The following CCDC6 variants were observed in gnomAD, a reference collection of about 807,000 sequenced individuals.
CCDC6 encodes coiled-coil domain containing 6.
A neutral mutation model predicts 56.6 loss-of-function variants in CCDC6; 20 were observed. The observed-to-expected ratio is 0.35, with a 90% confidence interval of 0.25 to 0.51. The LOEUF (loss-of-function observed/expected upper bound fraction) is 0.51. Ranked by LOEUF, CCDC6 falls within the 20% of genes least tolerant of loss-of-function variation. The pLI, the probability that CCDC6 is intolerant of heterozygous loss-of-function variation, is 0.95. For synonymous variants in CCDC6, 241 were observed against 234.4 expected (o/e 1.03, Z -0.26); for missense variants, 367 against 601.1 (o/e 0.61, Z 4.07).
intron 3 of CCDC6, among the ~76,000 whole-genome samples, chr10:59,819,157 C>T (rs2070732046): frequency 6.6e-6 from 1 of 152,050 alleles, no homozygotes; most frequent in Non-Finnish European, 1.5e-5. Context: ...GTCATAGGAA[C>T]TTAACTCTTG....
Position 59,791,824 on chromosome 10 carries a change from T to A in CCDC6, c.*1093A>T, listed in dbSNP as rs2070470487. The A allele has an allele frequency of 4.6e-6, 1 of 217,390 alleles. No homozygotes were observed. The highest frequency in any genetic ancestry group is 2.2e-5 in the African/African-American group (1 of 44,502). 13.5% of individuals were successfully genotyped at this position (217,390 alleles called of 1,614,324 possible). A position where few individuals can be genotyped will look rare whatever the true frequency, so the allele number is the denominator to read the frequency against. On this transcript the variant is annotated 3_prime_UTR_variant, in exon 9 of 9. Transcript: ENST00000263102. ...AATAATGTATTCAGAATATACTTCT[T>A]TGTACACTGCACTTGCTTATACTGG...
intron 3 of CCDC6, among the ~76,000 whole-genome samples, chr10:59,821,594 A>G (rs938732767): frequency 1.3e-5 from 2 of 152,178 alleles, no homozygotes; most frequent in African/African-American, 4.8e-5. Flanking sequence ...TTGCTTTCAG[A>G]ATTTTAAGAA....
At chr10:59,825,476 T>C (rs565982272) in intron 3 of CCDC6, among the ~76,000 whole-genome samples, 8 of 152,312 alleles carry the variant, frequency 5.3e-5, no homozygotes, top group African/African-American at 1.9e-4. Flanking sequence ...CTAGGGTATG[T>C]CTTCATCAGC....
chr10:59,848,756 C>A (rs571200795), intron 2 of CCDC6, among the ~76,000 whole-genome samples: 1 of 152,336 alleles, frequency 6.6e-6, no homozygotes, highest in East Asian at 1.9e-4. Flanking sequence ...CTCTATCCCC[C>A]AGGCTGGAGA....
At chr10:59,799,372 G>A (rs1035930039) in intron 7 of CCDC6, among the ~76,000 whole-genome samples, 5 of 152,044 alleles carry the variant, frequency 3.3e-5, no homozygotes, top group Non-Finnish European at 5.9e-5. Context: ...GTTGCACTGA[G>A]CCAAGATCAT....
rs558114897 is a variant in CCDC6, at chr10:59,824,346, C to T, written c.582+8179G>A. 2.0e-5 allele frequency among the ~76,000 whole-genome samples: 3 copies of T among 152,290 alleles called. No homozygotes were observed. In the South Asian group the frequency reaches 6.2e-4, roughly 32 times the overall value. The stretch of plus-strand genomic sequence containing the variant: ...ACAAATCAACTCAACAGACAGCCTC[C>T]TGAAGCTTCTTTTGAGTATGGTGTA... On this transcript the variant is annotated intron_variant, in intron 3 of 8. Transcript: ENST00000263102.
intron 1 of CCDC6, among the ~76,000 whole-genome samples, chr10:59,856,707 T>C (rs1169631384): frequency 6.6e-6 from 1 of 152,188 alleles, no homozygotes; most frequent in Non-Finnish European, 1.5e-5. Flanking sequence ...ACAGGCTACC[T>C]CATGAAATCT....
chr10:59,811,341 A>G (rs1201944861), intron 5 of CCDC6, among the ~76,000 whole-genome samples: 1 of 152,194 alleles, frequency 6.6e-6, no homozygotes, highest in African/African-American at 2.4e-5. Context: ...TAAAATGCAC[A>G]TTCCATGTGG....
chr10:59,826,002 C>T (rs1449009927), intron 3 of CCDC6, among the ~76,000 whole-genome samples: 1 of 152,108 alleles, frequency 6.6e-6, no homozygotes, highest in Non-Finnish European at 1.5e-5. Context: ...AGGGTCACTC[C>T]CTGTACTGCC....
chr10:59,841,194 G>A (rs4948372), intron 2 of CCDC6, among the ~76,000 whole-genome samples: 78,243 of 152,002 alleles, frequency 0.51, 21,918 homozygotes, highest in African/African-American at 0.75. Context: ...TCTCCAACAT[G>A]GCAGGCACAA....
At chr10:59,868,740 C>T (rs1275864224) in intron 1 of CCDC6, among the ~76,000 whole-genome samples, 1 of 152,178 alleles carries the variant, frequency 6.6e-6, no homozygotes, top group South Asian at 2.1e-4. Flanking sequence ...AACTTTGGTA[C>T]ATGCTAAGCA....
At chr10:59,893,919 C>T (rs1277153165) in intron 1 of CCDC6, among the ~76,000 whole-genome samples, 3 of 152,134 alleles carry the variant, frequency 2.0e-5, no homozygotes, top group African/African-American at 7.2e-5. Context: ...CTGCTTACTG[C>T]GATCTTCAAG....
At chr10:59,870,811 G>T (rs1372640337) in intron 1 of CCDC6, among the ~76,000 whole-genome samples, 12 of 152,184 alleles carry the variant, frequency 7.9e-5, no homozygotes, top group African/African-American at 2.9e-4. Flanking sequence ...CTAACATCCC[G>T]CAAGATGGTA....
chr10:59,900,532 G>A (rs920648575), intron 1 of CCDC6, among the ~76,000 whole-genome samples: 3 of 152,150 alleles, frequency 2.0e-5, no homozygotes, highest in Admixed American at 6.5e-5. Context: ...AGCAAGCAGG[G>A]CATTCCAATC....
At chr10:59,862,524 C>T (rs1303591189) in intron 1 of CCDC6, among the ~76,000 whole-genome samples, 4,227 of 83,590 alleles carry the variant, frequency 0.051, 462 homozygotes, top group African/African-American at 0.24. Context: ...TATACACACA[C>T]ACACACACAC....
intron 3 of CCDC6, among the ~76,000 whole-genome samples, chr10:59,829,011 C>G (rs1177508153): frequency 6.6e-6 from 1 of 152,166 alleles, no homozygotes; most frequent in Non-Finnish European, 1.5e-5. Flanking sequence ...TGTGAACATT[C>G]CCTGTTTGAA....
Position 59,791,482 on chromosome 10 carries a change from TAA to T in CCDC6, c.*1433_*1434del, listed in dbSNP as rs1564734926. 1 of 196,246 alleles carries T rather than the reference TAA, an allele frequency of 5.1e-6. No individual in the cohort carries two copies. Among genetic ancestry groups the T allele is most frequent in the African/African-American group, 2.3e-5 (1 of 43,304 alleles). 12.2% of individuals were successfully genotyped at this position (196,246 alleles called of 1,614,324 possible). On this transcript the variant is annotated 3_prime_UTR_variant, in exon 9 of 9. Transcript: ENST00000263102. ...TCCTTATTTTTAGGAGTGTGTTTAATAAAGAGTTGGCTATTAGAGATGGTTGT... is the reference window on the plus strand; with the variant it reads ...TCCTTATTTTTAGGAGTGTGTTTAATAGAGTTGGCTATTAGAGATGGTTGT...
intron 3 of CCDC6, among the ~76,000 whole-genome samples, chr10:59,826,764 G>A (rs1477313471): frequency 1.3e-5 from 2 of 152,308 alleles, no homozygotes; most frequent in Middle Eastern, 3.4e-3. Flanking sequence ...CAGATAACCA[G>A]TTCAAGGAAG....
chr10:59,876,500 G>T (rs2071282001), intron 1 of CCDC6, among the ~76,000 whole-genome samples: 1 of 148,846 alleles, frequency 6.7e-6, no homozygotes, highest in Admixed American at 6.7e-5. Flanking sequence ...GCCCAGGTGT[G>T]ACTTTTTTTT....
Sources: gnomAD v4.1 joint callset for allele counts (sites outside exome capture counted in the v4.1 genomes callset) on GRCh38, gnomAD v4.1.1 for gene constraint, MANE v1.5 for transcripts, NCBI Gene and HGNC (gene_info 2026-07-23, HGNC 2026-07-21) for gene names.